Variants in DLEU7 observed in about 807,000 individuals in gnomAD.
The protein encoded by DLEU7 is leukemia-associated protein 7.
DLEU7 carries 17 observed loss-of-function variants against 16.0 expected under a neutral mutation model. The ratio of observed to expected loss-of-function variants is 1.06; its 90% CI spans 0.73 to 1.59. The LOEUF (loss-of-function observed/expected upper bound fraction) is 1.59. Ranked by LOEUF, DLEU7 falls within the 40% of genes most tolerant of loss-of-function variation. DLEU7 has a pLI of 0.00. For synonymous variants in DLEU7, 113 were observed against 139.8 expected, an observed-to-expected ratio of 0.81 and a Z score of 1.35; for missense variants, 308 against 314.9, an observed-to-expected ratio of 0.98 and a Z score of 0.17.
At chr13:50,817,732 C>T (rs1047154061) in intron 1 of DLEU7, among the ~76,000 whole-genome samples, 3 of 152,044 alleles carry the variant, frequency 2.0e-5, no homozygotes, top group Non-Finnish European at 2.9e-5. Context: ...CAGATGGCTT[C>T]CTACCCTCCA....
intron 1 of DLEU7, among the ~76,000 whole-genome samples, chr13:50,793,362 G>C (rs1876021501): frequency 6.6e-6 from 1 of 152,090 alleles, no homozygotes; most frequent in African/African-American, 2.4e-5. Context: ...CCTTTGGGTA[G>C]ATACCCAGTA....
chr13:50,758,321 T>C (rs1357244843), intron 1 of DLEU7, among the ~76,000 whole-genome samples: 2 of 152,208 alleles, frequency 1.3e-5, no homozygotes, highest in Non-Finnish European at 2.9e-5. Context: ...GTGGTACACA[T>C]TGATCAAAGT....
chr13:50,789,783 G>A (rs1875897403), intron 1 of DLEU7, among the ~76,000 whole-genome samples: 1 of 152,122 alleles, frequency 6.6e-6, no homozygotes, highest in South Asian at 2.1e-4. Flanking sequence ...AACCCAGTGA[G>A]GTGAATTACT....
At chr13:50,843,764 C>G, upstream of DLEU7, 1 of 1,360,490 alleles carries the variant, frequency 7.4e-7, no homozygotes, top group East Asian at 3.0e-5. This position sits in a 1 kb window ranked among gnomAD's most constrained non-coding sequence, Gnocchi z 5.7. Flanking sequence ...GCCTCTGGGT[C>G]TCACAGCGTG....
intron 1 of DLEU7, among the ~76,000 whole-genome samples, chr13:50,835,479 T>C (rs1275556457): frequency 6.6e-6 from 1 of 152,238 alleles, no homozygotes; most frequent in Non-Finnish European, 1.5e-5. Context: ...TGACTGAGTG[T>C]TATGAGTGGT....
chr13:50,799,256 C>G (rs1430713367), intron 1 of DLEU7, among the ~76,000 whole-genome samples: 2 of 152,218 alleles, frequency 1.3e-5, no homozygotes, highest in East Asian at 3.8e-4. Context: ...TAATCACAAT[C>G]TGGACTCACT....
chr13:50,745,286 T>C (rs1874361966), intron 1 of DLEU7, among the ~76,000 whole-genome samples: 1 of 152,232 alleles, frequency 6.6e-6, no homozygotes, highest in Non-Finnish European at 1.5e-5. Flanking sequence ...GAGGACATTA[T>C]GTTAAGTGAA....
intron 1 of DLEU7, among the ~76,000 whole-genome samples, chr13:50,784,213 G>A (rs114226709): frequency 0.019 from 2,857 of 152,270 alleles, 89 homozygotes; most frequent in African/African-American, 0.065. Context: ...GTGCAATCAT[G>A]AATTCACTTC....
chr13:50,792,496 C>T (rs1047560684), intron 1 of DLEU7, among the ~76,000 whole-genome samples: 1 of 152,134 alleles, frequency 6.6e-6, no homozygotes, highest in African/African-American at 2.4e-5. Context: ...TAGGAGTATG[C>T]TGGGGGAAGA....
chr13:50,824,768 C>T (rs143315884), intron 1 of DLEU7, among the ~76,000 whole-genome samples: 3 of 152,228 alleles, frequency 2.0e-5, no homozygotes, highest in African/African-American at 7.2e-5. Flanking sequence ...ATAGCAAAAA[C>T]AAACAAAAAC....
intron 1 of DLEU7, among the ~76,000 whole-genome samples, chr13:50,751,174 G>A (rs117571200): frequency 5.6e-4 from 85 of 152,174 alleles, no homozygotes; most frequent in Non-Finnish European, 8.4e-4. Context: ...CTTTTTCCAC[G>A]TCTATTGAGA....
chr13:50,723,119 T>G (rs1873667659), intron 1 of DLEU7: 1 of 152,214 alleles, frequency 6.6e-6, no homozygotes, highest in Non-Finnish European at 1.5e-5. Flanking sequence ...TAAATTTTAT[T>G]GCATATATCT....
chr13:50,733,895 A>G (rs1042204715), intron 1 of DLEU7, among the ~76,000 whole-genome samples: 8 of 152,120 alleles, frequency 5.3e-5, no homozygotes, highest in Admixed American at 4.6e-4. Flanking sequence ...AACCTCCTTA[A>G]CATCACCTAA....
chr13:50,749,992 G>A (rs557895788), intron 1 of DLEU7, among the ~76,000 whole-genome samples: 138 of 152,222 alleles, frequency 9.1e-4, no homozygotes, highest in Admixed American at 4.2e-3. Flanking sequence ...TGGGTTCTTG[G>A]TCATGAAATG....
chr13:50,836,534 C>T (rs996037696), intron 1 of DLEU7, among the ~76,000 whole-genome samples: 2 of 151,846 alleles, frequency 1.3e-5, no homozygotes, highest in South Asian at 2.1e-4. Flanking sequence ...GTTAGCCAGG[C>T]GTGGTGGCAG....
At chr13:50,760,559 T>C (rs586161) in intron 1 of DLEU7, among the ~76,000 whole-genome samples, 71,447 of 152,046 alleles carry the variant, frequency 0.47, 17,762 homozygotes, top group African/African-American at 0.62. Context: ...ATGAGGGTCT[T>C]GCTATGTTGA....
chr13:50,760,382 G>A lies in DLEU7; in HGVS notation c.460-47142C>T, dbSNP rs565038763. Among the ~76,000 whole-genome samples the A allele has an allele frequency of 7.2e-5, 11 of 152,238 alleles. No individual in the cohort carries two copies. In the South Asian group the frequency reaches 2.3e-3, roughly 32 times the overall value. Reference sequence around the variant, plus strand: ...GAGCTGGGGGCAATGGGAGGGCAGGGACAGGGTCTCACTCTGTTGCCCAGG... The same window carrying A: ...GAGCTGGGGGCAATGGGAGGGCAGGAACAGGGTCTCACTCTGTTGCCCAGG... On this transcript the variant is annotated intron_variant, in intron 1 of 1. Coordinates refer to the DLEU7 transcript ENST00000400393.
At chr13:50,721,386 A>G (rs559253401) in intron 1 of DLEU7, among the ~76,000 whole-genome samples, 28 of 152,234 alleles carry the variant, frequency 1.8e-4, no homozygotes, top group African/African-American at 6.5e-4. Context: ...TGATCGTGTG[A>G]GTCAATTCTC....
At chr13:50,753,460 G>A (rs1397031939) in intron 1 of DLEU7, among the ~76,000 whole-genome samples, 1 of 152,238 alleles carries the variant, frequency 6.6e-6, no homozygotes, top group Non-Finnish European at 1.5e-5. Flanking sequence ...CCCGTGGGAA[G>A]GCAGCTAAGG....
Sources: gnomAD v4.1 joint callset for allele counts (sites outside exome capture counted in the v4.1 genomes callset) on GRCh38, gnomAD v4.1.1 for gene constraint, Gnocchi (gnomAD v3.1) non-coding constraint, MANE v1.5 for transcripts, NCBI Gene and HGNC (gene_info 2026-07-23, HGNC 2026-07-21) for gene names.